LRP11: variants seen among roughly 807,000 people sequenced by gnomAD.
LRP11 encodes the protein low-density lipoprotein receptor-related protein 11.
In LRP11, 25 loss-of-function variants were observed where a neutral mutation model predicts 43.1. That is an observed-to-expected ratio of 0.58 (90% CI 0.42 to 0.81). The LOEUF is 0.81. Ranked by LOEUF, LRP11 falls within the 30% of genes least tolerant of loss-of-function variation. The pLI is 0.00. For missense variants in LRP11, 623 were observed against 665.1 expected (o/e 0.94, Z 0.70); for synonymous variants, 316 against 299.4 (o/e 1.06, Z -0.57).
chr6:149,846,201 G>A (rs1218629388), intron 2 of LRP11, among the ~76,000 whole-genome samples: 3 of 152,336 alleles, frequency 2.0e-5, no homozygotes, highest in Admixed American at 6.5e-5. Context: ...GAAGCTCAGA[G>A]CTGCATAAGT....
intron 1 of LRP11, among the ~76,000 whole-genome samples, chr6:149,855,805 T>G (rs975509405): frequency 1.3e-5 from 2 of 152,036 alleles, no homozygotes; most frequent in African/African-American, 4.8e-5. Context: ...TTCCAGTCAC[T>G]TAAGAGTGAG....
chr6:149,863,524 G>A lies in LRP11; in HGVS notation c.497C>T (p.Thr166Met), dbSNP rs1213980924. ...AVLGCYLFNC[T>M]ARGRNVCKFA... ...CTTGCAGACGTTGCGGCCGCGCGCCGTGCAGTTGAAGAGGTAGCAGCCGAG... is the reference window on the plus strand; with the variant it reads ...CTTGCAGACGTTGCGGCCGCGCGCCATGCAGTTGAAGAGGTAGCAGCCGAG... The change falls in exon 1 of 7, where the codon ACG becomes ATG. Residue 166 changes from threonine (T) to methionine (M), a missense_variant. Coordinates refer to ENST00000239367, the MANE Select transcript of LRP11 (RefSeq NM_032832.6). 7 of 1,351,392 alleles carry A rather than the reference G, an allele frequency of 5.2e-6. No homozygotes were observed. The highest frequency in any genetic ancestry group is 1.5e-5 in the African/African-American group (1 of 64,996). 83.7% of individuals were successfully genotyped at this position (1,351,392 alleles called of 1,614,324 possible). A position where few individuals can be genotyped will look rare whatever the true frequency, so the allele number is the denominator to read the frequency against.
intron 1 of LRP11, among the ~76,000 whole-genome samples, chr6:149,859,396 A>ATATTTTTTT: frequency 1.4e-5 from 1 of 71,496 alleles, no homozygotes. Flanking sequence ...ATATATATAT[A>ATATTTTTTT]TTTTTTTTTT....
chr6:149,825,460 G>A (rs1054395743), intron 6 of LRP11, among the ~76,000 whole-genome samples: 1 of 152,056 alleles, frequency 6.6e-6, no homozygotes, highest in Admixed American at 6.6e-5. Flanking sequence ...AGTAATAACT[G>A]CCATCGTTTC....
chr6:149,822,752 T>C (rs1180991453), intron 6 of LRP11, among the ~76,000 whole-genome samples: 2 of 152,230 alleles, frequency 1.3e-5, no homozygotes, highest in African/African-American at 4.8e-5. Context: ...GTTGTATTAA[T>C]AAAATAGGTG....
At chr6:149,832,149 T>G (rs1776415848) in intron 5 of LRP11, among the ~76,000 whole-genome samples, 1 of 152,138 alleles carries the variant, frequency 6.6e-6, no homozygotes, top group African/African-American at 2.4e-5. Flanking sequence ...ACTGTTAGTA[T>G]TAATCTTAGT....
intron 3 of LRP11, chr6:149,842,773 C>G (rs1776568297): frequency 7.5e-7 from 1 of 1,325,760 alleles, no homozygotes; most frequent in Non-Finnish European, 1.1e-6. Flanking sequence ...CCCTGGAGTG[C>G]TTCCTCCACC....
intron 1 of LRP11, among the ~76,000 whole-genome samples, chr6:149,854,902 A>G (rs1248045359): frequency 6.6e-6 from 1 of 152,212 alleles, no homozygotes; most frequent in African/African-American, 2.4e-5. Flanking sequence ...TCAGTGTCTC[A>G]TTACGGAACA....
chr6:149,849,064 C>A (rs752901654), intron 2 of LRP11, among the ~76,000 whole-genome samples: 3 of 152,164 alleles, frequency 2.0e-5, no homozygotes, highest in Non-Finnish European at 4.4e-5. Flanking sequence ...GAAAGAAATT[C>A]ATTTCTGCTC....
At position 149,853,319 on chromosome 6, in the gene LRP11, A is replaced by C. The variant is rs977711610; in HGVS notation, c.614-159T>G. On this transcript the variant is annotated intron_variant, in intron 1 of 6. Coordinates refer to ENST00000239367, the MANE Select transcript of LRP11 (RefSeq NM_032832.6). Reference sequence around the variant, plus strand: ...TTTTCTATTTATTTTATGATCGTGGAATTTAGCTATAATATGCGCAGAAGA... The same window carrying C: ...TTTTCTATTTATTTTATGATCGTGGCATTTAGCTATAATATGCGCAGAAGA... The C allele has an allele frequency of 4.6e-6, 3 of 652,678 alleles. No individual in the cohort carries two copies. The African/African-American group carries it at 5.6e-5, about 12-fold the overall frequency. 40.4% of individuals were successfully genotyped at this position (652,678 alleles called of 1,614,324 possible).
rs146380393 is a variant in LRP11, at chr6:149,823,178, C to T, written c.1349-2475G>A. 4.6e-5 allele frequency among the ~76,000 whole-genome samples: 7 copies of T among 152,246 alleles called. No homozygotes were observed. In the East Asian group the frequency reaches 1.3e-3, roughly 29 times the overall value. On this transcript the variant is annotated intron_variant, in intron 6 of 6. Transcript: ENST00000239367. ...GAAAGAGACGTCCAAGAAGAAAGTC[C>T]TCAGCTGAATCAAATGCTAAGGAAA...
intron 3 of LRP11, among the ~76,000 whole-genome samples, chr6:149,841,451 G>A (rs955406530): frequency 6.6e-6 from 1 of 152,146 alleles, no homozygotes; most frequent in African/African-American, 2.4e-5. Context: ...GAAAATACAC[G>A]ATGACCGAGT....
intron 2 of LRP11, among the ~76,000 whole-genome samples, chr6:149,852,098 C>T (rs1180352983): frequency 6.6e-6 from 1 of 152,164 alleles, no homozygotes; most frequent in African/African-American, 2.4e-5. Context: ...ATGGGGATTA[C>T]AATTCAAGAT....
intron 3 of LRP11, among the ~76,000 whole-genome samples, chr6:149,842,358 A>G (rs1301255490): frequency 6.6e-6 from 1 of 151,124 alleles, no homozygotes; most frequent in East Asian, 1.9e-4. Context: ...ACATCAAGCT[A>G]ACTGACATAT....
At position 149,842,995 on chromosome 6, in the gene LRP11, A is replaced by C; in HGVS notation, c.901T>G (p.Tyr301Asp). 6.2e-7 allele frequency: 1 copy of C among 1,614,230 alleles called. No individual in the cohort carries two copies. The highest frequency in any genetic ancestry group is 2.2e-5 in the East Asian group (1 of 44,884). The change falls in exon 3 of 7, where the codon TAC (tyrosine) becomes GAC (aspartate). Residue 301 changes from tyrosine to aspartate, a missense_variant. Coordinates refer to ENST00000239367, the MANE Select transcript of LRP11 (RefSeq NM_032832.6). ...NVSVTVLRAA[Y>D]STGGCLHTCS... ...ACTTTCTTCTCACCTCCTGTGGAGT[A>C]GGCTGCGCGAAGCACTGTCACTGAC... is the stretch of plus-strand genomic sequence containing the variant.
chr6:149,861,360 G>A (rs1383725157), intron 1 of LRP11, among the ~76,000 whole-genome samples: 1 of 152,140 alleles, frequency 6.6e-6, no homozygotes, highest in Non-Finnish European at 1.5e-5. Context: ...GAGCACAGCA[G>A]TGTTCTCCCA....
chr6:149,836,861 G>A (rs6919437), intron 4 of LRP11, among the ~76,000 whole-genome samples: 16,006 of 151,688 alleles, frequency 0.11, 2,410 homozygotes, highest in African/African-American at 0.33. Flanking sequence ...AAGACTAAAC[G>A]TAAACTTAAG....
chr6:149,845,494 A>C (rs540737864), intron 2 of LRP11, among the ~76,000 whole-genome samples: 1 of 152,342 alleles, frequency 6.6e-6, no homozygotes, highest in South Asian at 2.1e-4. Flanking sequence ...TATTTCAAAG[A>C]GATGTTAAGC....
At chr6:149,837,250 ACT>A in intron 4 of LRP11, 86 bp downstream of exon 4, 1 of 1,407,752 alleles carries the variant, frequency 7.1e-7, no homozygotes, top group Non-Finnish European at 9.7e-7. Context: ...GGGGAAGGAC[ACT>A]GTGTTTGCAT....
Sources: gnomAD v4.1 joint callset for allele counts (sites outside exome capture counted in the v4.1 genomes callset) on GRCh38, gnomAD v4.1.1 for gene constraint, MANE v1.5 for transcripts, NCBI Gene and HGNC (gene_info 2026-07-23, HGNC 2026-07-21) for gene names.